Variants in MEIOSIN observed in about 807,000 individuals in gnomAD.
The protein encoded by MEIOSIN is meiosis initiator.
Under a neutral mutation model 23.4 loss-of-function variants are expected in MEIOSIN, and 18 were observed. That is an observed-to-expected ratio of 0.77 (90% CI 0.53 to 1.14). MEIOSIN has a LOEUF of 1.14. MEIOSIN is among the 50% of genes most tolerant of loss of function. MEIOSIN has a pLI of 0.00. For missense variants in MEIOSIN, 428 were observed against 242.9 expected (o/e 1.76, Z -5.07); for synonymous variants, 187 against 100.6 (o/e 1.86, Z -5.14).
At chr19:45,750,549 C>CG (rs1342140957) in intron 4 of MEIOSIN, 126 bp from the exon 5 acceptor site, 2 of 322,914 alleles carry the variant, frequency 6.2e-6, no homozygotes, top group Non-Finnish European at 1.1e-5. Context: ...TTAGTAGAGA[C>CG]GGGGTTTCAC....
In MEIOSIN at chr19:45,760,955, A is replaced by C. The variant is rs572071259; in HGVS notation, c.1246-724A>C. 3.8e-4 allele frequency among the ~76,000 whole-genome samples: 57 copies of C among 150,998 alleles called. 1 individual carries two copies. The East Asian group carries it at 6.0e-3, about 16-fold the overall frequency. ...AAAAAAAAAGAAAGAAAAGAAAAAA[A>C]AGAAAAGAAAGGAAGAAAGAAAGAA... On this transcript the variant is annotated intron_variant, in intron 11 of 14. Transcript: ENST00000457052.
chr19:45,755,183 T>C (rs191030611), intron 7 of MEIOSIN, among the ~76,000 whole-genome samples: 1 of 150,694 alleles, frequency 6.6e-6, no homozygotes, highest in Non-Finnish European at 1.5e-5. Context: ...GGAGTCTTGC[T>C]CTGTCGCCCA....
chr19:45,737,238 G>T (rs1968423396), intron 2 of MEIOSIN, among the ~76,000 whole-genome samples: 1 of 151,122 alleles, frequency 6.6e-6, no homozygotes, highest in Admixed American at 6.6e-5. Flanking sequence ...GGAATGCAGT[G>T]GTGCAATCCC....
At chr19:45,747,263 T>C (rs964003689) in intron 4 of MEIOSIN, among the ~76,000 whole-genome samples, 2 of 152,154 alleles carry the variant, frequency 1.3e-5, no homozygotes, top group Non-Finnish European at 2.9e-5. Flanking sequence ...ACAACCCGCA[T>C]CCCGGGGCCG....
chr19:45,741,839 T>G (rs1022526318), intron 3 of MEIOSIN, among the ~76,000 whole-genome samples: 4 of 152,004 alleles, frequency 2.6e-5, no homozygotes, highest in African/African-American at 9.7e-5. Context: ...AAAAAAAAAT[T>G]TATTTTAAAG....
chr19:45,735,499 T>C (rs1438596395), intron 2 of MEIOSIN, 52 bp downstream of exon 2: 5 of 670,942 alleles, frequency 7.5e-6, no homozygotes, highest in Non-Finnish European at 1.4e-5. Context: ...CATTGAATAA[T>C]AATAACAAAA....
At chr19:45,736,370 T>C (rs1166872660) in intron 2 of MEIOSIN, among the ~76,000 whole-genome samples, 1 of 151,076 alleles carries the variant, frequency 6.6e-6, no homozygotes, top group African/African-American at 2.4e-5. Flanking sequence ...CTTTCTTTCC[T>C]TTTTTTTTAA....
At chr19:45,757,787 T>C (rs1240248365) in intron 9 of MEIOSIN, among the ~76,000 whole-genome samples, 1 of 151,720 alleles carries the variant, frequency 6.6e-6, no homozygotes, top group Non-Finnish European at 1.5e-5. Context: ...TCCCAAAGTG[T>C]TGGGATTACA....
Position 45,748,851 on chromosome 19 carries a change from T to C in MEIOSIN, c.307-1824T>C, listed in dbSNP as rs544387269. Among the ~76,000 whole-genome samples the C allele has an allele frequency of 6.2e-3, 942 of 151,542 alleles. 8 individuals carry two copies. The highest frequency in any genetic ancestry group is 0.011 in the Non-Finnish European group (777 of 67,850). ...TGGGAGGCCGAGGTGGGTGGATCACTTGAGGTCGGTAGTTCGAGACCAACC... is the reference window on the plus strand; with the variant it reads ...TGGGAGGCCGAGGTGGGTGGATCACCTGAGGTCGGTAGTTCGAGACCAACC... On this transcript the variant is annotated intron_variant, in intron 4 of 14. Transcript: ENST00000457052.
At position 45,764,138 on chromosome 19, in the gene MEIOSIN, G is replaced by A. The variant is rs1319405803; in HGVS notation, c.*20G>A. The A allele has an allele frequency of 1.3e-5, 5 of 398,438 alleles. No individual in the cohort carries two copies. The highest frequency in any genetic ancestry group is 6.2e-5 in the African/African-American group (3 of 48,618). 24.7% of individuals were successfully genotyped at this position (398,438 alleles called of 1,614,324 possible). A position where few individuals can be genotyped will look rare whatever the true frequency, so the allele number is the denominator to read the frequency against. On this transcript the variant is annotated 3_prime_UTR_variant, in exon 15 of 15. Coordinates refer to ENST00000457052, the MANE Select transcript of MEIOSIN (RefSeq NM_001310124.2). ...CAGTGAGAGGGCGGCCCCTCGCCTC[G>A]CTCCCCTCACCCCTCATGGCAACCG...
At position 45,763,440 on chromosome 19, in the gene MEIOSIN, G is replaced by T; in HGVS notation, c.1769+13G>T. The T allele has an allele frequency of 2.5e-6, 1 of 398,628 alleles. No individual in the cohort carries two copies. The allele number at this position is 398,628 out of a possible 1,614,324, so 24.7% of individuals were successfully genotyped here. On this transcript the variant is annotated intron_variant, in intron 14 of 14. Transcript: ENST00000457052. ...GGAGGCCATACTGGTGAGAGGCTCC[G>T]GCCCCGAGGTGTGGGTGGGGGGTGG...
At chr19:45,755,632 A>G (rs1600387818) in intron 7 of MEIOSIN, among the ~76,000 whole-genome samples, 3 of 152,046 alleles carry the variant, frequency 2.0e-5, no homozygotes, top group South Asian at 4.2e-4. Flanking sequence ...TATTTTTAGT[A>G]GAGACGGGGT....
intron 3 of MEIOSIN, among the ~76,000 whole-genome samples, chr19:45,743,548 G>A (rs894696055): frequency 6.6e-6 from 1 of 152,024 alleles, no homozygotes; most frequent in African/African-American, 2.4e-5. Flanking sequence ...TTGAGACAGA[G>A]TTTTGTTCTG....
chr19:45,756,165 C>T (rs1968825347), intron 8 of MEIOSIN, 87 bp downstream of exon 8: 10 of 667,032 alleles, frequency 1.5e-5, no homozygotes, highest in South Asian at 1.3e-4. Flanking sequence ...CAGGCCAAGT[C>T]ACGTCCTCTG....
intron 8 of MEIOSIN, 98 bp downstream of exon 8, chr19:45,756,176 C>T (rs1968825641): frequency 3.1e-6 from 2 of 648,302 alleles, no homozygotes; most frequent in Non-Finnish European, 5.6e-6. Flanking sequence ...ACGTCCTCTG[C>T]GGGTGCCCCT....
rs974858195 is a variant in MEIOSIN, at chr19:45,755,150, C to CT, written c.802+443dup. On this transcript the variant is annotated intron_variant, in intron 7 of 14. Coordinates refer to ENST00000457052, the MANE Select transcript of MEIOSIN (RefSeq NM_001310124.2). ...CCTCTATTTGTTCATTCAGCCTTTT[C>CT]TTTTTTTTTTTTTTTTTGAGATGGA... Among the ~76,000 whole-genome samples, 1,230 of 137,764 alleles carry CT rather than the reference C, an allele frequency of 8.9e-3. 14 individuals carry two copies. The highest frequency in any genetic ancestry group is 0.012 in the African/African-American group (443 of 37,688). The allele number at this position is 137,764 out of a possible 152,430, so 90.4% of individuals were successfully genotyped here. A position where few individuals can be genotyped will look rare whatever the true frequency, so the allele number is the denominator to read the frequency against.
chr19:45,733,576 C>A lies in MEIOSIN; in HGVS notation c.-91C>A, dbSNP rs1400572281. 6.6e-6 allele frequency: 1 copy of A among 152,288 alleles called. No individual in the cohort carries two copies. The highest frequency in any genetic ancestry group is 1.5e-5 in the Non-Finnish European group (1 of 68,076). The allele number at this position is 152,288 out of a possible 1,614,324, so 9.4% of individuals were successfully genotyped here. A position where few individuals can be genotyped will look rare whatever the true frequency, so the allele number is the denominator to read the frequency against. On this transcript the variant is annotated 5_prime_UTR_variant, in exon 1 of 15. Coordinates refer to ENST00000457052, the MANE Select transcript of MEIOSIN (RefSeq NM_001310124.2). This position sits in a 1 kb window ranked among gnomAD's most constrained non-coding sequence, Gnocchi z 5.7. ...CGCACGGCCGGCTTCCCGGGACCCG[C>A]GCGAGACGCTGTCTGATCGGGCTCC...
At position 45,739,593 on chromosome 19, in the gene MEIOSIN, C is replaced by A. The variant is rs1309690745; in HGVS notation, c.72-33C>A. On this transcript the variant is annotated intron_variant, in intron 2 of 14. Coordinates refer to ENST00000457052, the MANE Select transcript of MEIOSIN (RefSeq NM_001310124.2). ...GCCAAACCTAGGATTACCACTCCAACCCTGAACCAATCACTGTGACTATTC... is the reference window on the plus strand; with the variant it reads ...GCCAAACCTAGGATTACCACTCCAAACCTGAACCAATCACTGTGACTATTC... The A allele has an allele frequency of 4.3e-6, 3 of 702,676 alleles. No homozygotes were observed. In the African/African-American group the frequency reaches 5.2e-5, roughly 12 times the overall value. 43.5% of individuals were successfully genotyped at this position (702,676 alleles called of 1,614,324 possible). A position where few individuals can be genotyped will look rare whatever the true frequency, so the allele number is the denominator to read the frequency against.
At position 45,753,767 on chromosome 19, in the gene MEIOSIN, A is replaced by G. The variant is rs1454310771; in HGVS notation, c.535A>G (p.Lys179Glu). 4.3e-6 allele frequency: 3 copies of G among 702,726 alleles called. No individual in the cohort carries two copies. In the Admixed American group the frequency reaches 6.0e-5, roughly 14 times the overall value. The allele number at this position is 702,726 out of a possible 1,614,324, so 43.5% of individuals were successfully genotyped here. A position where few individuals can be genotyped will look rare whatever the true frequency, so the allele number is the denominator to read the frequency against. Residue 179 changes from lysine to glutamate, a missense_variant, in exon 6 of 15, where the codon AAG (lysine) becomes GAG (glutamate). Coordinates refer to ENST00000457052, the MANE Select transcript of MEIOSIN (RefSeq NM_001310124.2). ...GGGGGCGTGCCAGAAGCCTCGGAAG[A>G]AGAAGCTGACCCAGGCATCAGGTAC... ...LQGACQKPRK[K>E]KLTQASESQT...
Sources: gnomAD v4.1 joint callset for allele counts (sites outside exome capture counted in the v4.1 genomes callset) on GRCh38, gnomAD v4.1.1 for gene constraint, Gnocchi (gnomAD v3.1) non-coding constraint, MANE v1.5 for transcripts, NCBI Gene and HGNC (gene_info 2026-07-23, HGNC 2026-07-21) for gene names.